Variants in LPIN1 observed in about 807,000 individuals in gnomAD.
The protein encoded by LPIN1 is lipin 1.
In LPIN1, 71 loss-of-function variants were observed where a neutral mutation model predicts 107.5. The observed-to-expected ratio is 0.66, with a 90% CI of 0.55 to 0.80. The LOEUF is 0.80. Among genes scored for constraint, LPIN1 ranks in the 30% least tolerant of loss-of-function variants. The pLI, the probability that LPIN1 is intolerant of heterozygous loss-of-function variation, is 0.00. For missense variants in LPIN1, 1,043 were observed against 1,160.6 expected (o/e 0.90, Z 1.47); for synonymous variants, 445 against 452.6 (o/e 0.98, Z 0.21).
In LPIN1 at chr2:11,802,958, A is replaced by G. The variant is rs762690391; in HGVS notation, c.1938A>G (p.Pro646=). 10 of 1,613,392 alleles carry G rather than the reference A, an allele frequency of 6.2e-6. No individual in the cohort carries two copies. The African/African-American group carries it at 6.7e-5, about 11-fold the overall frequency. The change falls in exon 15 of 21, where the codon CCA becomes CCG. Residue 646 remains proline (P), a synonymous_variant. Transcript: ENST00000674199. ...SSDEERAAAK[P]SNAGHLPLLP... The stretch of plus-strand genomic sequence containing the variant: ...ATGAGGAGCGCGCAGCTGCCAAGCC[A>G]TCAAACGCAGGCCACCTCCCTCTTC...
chr2:11,692,509 G>A (rs994207137), intron 1 of LPIN1, among the ~76,000 whole-genome samples: 3 of 152,206 alleles, frequency 2.0e-5, no homozygotes, highest in Non-Finnish European at 4.4e-5. Flanking sequence ...GTGGGGCCTG[G>A]GAATATGTAA....
intron 17 of LPIN1, among the ~76,000 whole-genome samples, chr2:11,810,129 G>A (rs1406173997): frequency 6.6e-6 from 1 of 152,200 alleles, no homozygotes. Flanking sequence ...GCCGTCGGGG[G>A]TGCTGAGCAG....
Position 11,803,099 on chromosome 2 carries a change from T to G in LPIN1, c.2013+66T>G. ...TGAGGTTTCTGCAGACTCCTAAGGC[T>G]GTGTGATGGTTGGGATGTGCCCGTT... On this transcript the variant is annotated intron_variant, in intron 15 of 20. Transcript: ENST00000674199. This position sits in a 1 kb window ranked among gnomAD's most constrained non-coding sequence, Gnocchi z 4.2. 1 of 1,603,864 alleles carries G rather than the reference T, an allele frequency of 6.2e-7. No homozygotes were observed.
In LPIN1 at chr2:11,763,963, T is replaced by TTG. The variant is rs1309608635; in HGVS notation, c.-9-1570_-9-1569insTG. 5.8e-3 allele frequency among the ~76,000 whole-genome samples: 512 copies of TTG among 87,678 alleles called. 3 individuals are homozygous for TTG. Among genetic ancestry groups the TTG allele is most frequent in the Non-Finnish European group, 5.5e-3 (230 of 41,808 alleles). 57.5% of individuals were successfully genotyped at this position (87,678 alleles called of 152,430 possible). A position where few individuals can be genotyped will look rare whatever the true frequency, so the allele number is the denominator to read the frequency against. ...AATTCGGTGACACTGACATATATTT[T>TTG]AGTGTGTGTGTGTGTGTGTGTGTGT... On this transcript the variant is annotated intron_variant, in intron 1 of 20. Transcript: ENST00000674199.
chr2:11,720,908 A>G (rs1224888812), upstream of LPIN1, among the ~76,000 whole-genome samples: 1 of 151,934 alleles, frequency 6.6e-6, no homozygotes, highest in Non-Finnish European at 1.5e-5. Flanking sequence ...GCGAGAGAAG[A>G]GAATTCAGAC....
Position 11,779,527 on chromosome 2 carries a change from G to A in LPIN1, c.839G>A (p.Gly280Asp), listed in dbSNP as rs1368101828. ...SLFHPSESPSGSRPSTPKSDS... is the reference protein window; with the variant it reads ...SLFHPSESPSDSRPSTPKSDS... ...TTTGTGTTTTCCTTAAGTCCTTCCG[G>A]TTCCCGACCTTCAACACCTAAAAGT... The change falls in exon 7 of 21, where the codon GGT becomes GAT. Residue 280 changes from glycine (G) to aspartate (D), a missense_variant. Physicochemically the swap from Gly to Asp is moderately conservative, Grantham distance 94. Transcript: ENST00000674199. 6.2e-7 allele frequency: 1 copy of A among 1,613,458 alleles called. No homozygotes were observed. Among genetic ancestry groups the A allele is most frequent in the African/African-American group, 1.3e-5 (1 of 74,892 alleles).
chr2:11,806,501 C>T (rs898315945), intron 17 of LPIN1, among the ~76,000 whole-genome samples: 6 of 151,956 alleles, frequency 3.9e-5, no homozygotes, highest in African/African-American at 1.5e-4. Flanking sequence ...GAGGCTGAGG[C>T]GGGAGGATTG....
rs1673693017 is a variant in LPIN1 at position 11,782,254 on chromosome 2, T to A, written c.1011T>A (p.Ile337=). ...KESSPLSSRK[I]CDKSHFQAIH... ...CCAGCCCATTGAGCAGTAGAAAAATTTGTGATAAAAGTCACTTTCAGGCCA... is the reference window on the plus strand; with the variant it reads ...CCAGCCCATTGAGCAGTAGAAAAATATGTGATAAAAGTCACTTTCAGGCCA... Residue 337 remains isoleucine, a synonymous_variant, in exon 8 of 21, where the codon ATT becomes ATA. Coordinates refer to ENST00000674199, the MANE Select transcript of LPIN1 (RefSeq NM_001349206.2). 1 of 1,614,074 alleles carries A rather than the reference T, an allele frequency of 6.2e-7. No individual in the cohort carries two copies. Among genetic ancestry groups the A allele is most frequent in the Admixed American group, 1.7e-5 (1 of 60,010 alleles).
chr2:11,759,929 GGCT>G (rs1669448091), intron 1 of LPIN1, among the ~76,000 whole-genome samples: 1 of 147,188 alleles, frequency 6.8e-6, no homozygotes, highest in Non-Finnish European at 1.5e-5. Context: ...CAGACGGGGC[GGCT>G]GCCGGGCGGA....
At chr2:11,763,905 T>G (rs1670266798) in intron 1 of LPIN1, among the ~76,000 whole-genome samples, 1 of 151,446 alleles carries the variant, frequency 6.6e-6, no homozygotes, top group Admixed American at 6.6e-5. Context: ...CTTCTTTCCT[T>G]GATCATAACT....
chr2:11,784,035 T>C, intron 9 of LPIN1, 113 bp downstream of exon 9: 2 of 1,568,562 alleles, frequency 1.3e-6, no homozygotes, highest in South Asian at 1.1e-5. Context: ...CTGGGCGCGG[T>C]GGCTCACGCC....
intron 20 of LPIN1, among the ~76,000 whole-genome samples, chr2:11,822,508 G>A (rs1032214828): frequency 1.3e-5 from 2 of 151,878 alleles, no homozygotes; most frequent in Non-Finnish European, 2.9e-5. Context: ...AAGGAGGCAA[G>A]GAGGATCAAG....
At chr2:11,679,018 C>T (rs904026978) in intron 1 of LPIN1, among the ~76,000 whole-genome samples, 2 of 152,202 alleles carry the variant, frequency 1.3e-5, no homozygotes, top group African/African-American at 4.8e-5. Flanking sequence ...TAAGTTTGCC[C>T]GGTGCTGACT....
At chr2:11,760,429 C>G (rs1041794029) in intron 1 of LPIN1, among the ~76,000 whole-genome samples, 1 of 152,256 alleles carries the variant, frequency 6.6e-6, no homozygotes, top group South Asian at 2.1e-4. Context: ...TCTGCAATCC[C>G]GGCACCTCAG....
At chr2:11,802,558 CAGAT>C (rs1677941557) in intron 14 of LPIN1, among the ~76,000 whole-genome samples, 1 of 152,118 alleles carries the variant, frequency 6.6e-6, no homozygotes, top group African/African-American at 2.4e-5. Context: ...CATGCAGTCT[CAGAT>C]AGGAAGAGAA....
rs1370510877 is a variant in LPIN1, at chr2:11,803,725, T to A, written c.2013+692T>A. The stretch of plus-strand genomic sequence containing the variant: ...ACCCTGCAGCCTGGGGGTCTCTGTG[T>A]GACTCACTGCTCCCACTGGCGACAC... On this transcript the variant is annotated intron_variant, in intron 15 of 20. Coordinates refer to ENST00000674199, the MANE Select transcript of LPIN1 (RefSeq NM_001349206.2). This position sits in a 1 kb window ranked among gnomAD's most constrained non-coding sequence, Gnocchi z 4.2. Among the ~76,000 whole-genome samples the A allele has an allele frequency of 6.6e-6, 1 of 151,990 alleles. No homozygotes were observed. The highest frequency in any genetic ancestry group is 2.4e-5 in the African/African-American group (1 of 41,368).
At chr2:11,780,127 T>C (rs1572774048) in intron 7 of LPIN1, among the ~76,000 whole-genome samples, 1 of 152,224 alleles carries the variant, frequency 6.6e-6, no homozygotes, top group East Asian at 1.9e-4. Flanking sequence ...GTGACCCGCC[T>C]GCCTCTGCCT....
At position 11,782,397 on chromosome 2, in the gene LPIN1, A is replaced by T. The variant is rs897025261; in HGVS notation, c.1154A>T (p.Glu385Val). 14 of 1,614,106 alleles carry T rather than the reference A, an allele frequency of 8.7e-6. No homozygotes were observed. The highest frequency in any genetic ancestry group is 1.1e-5 in the South Asian group (1 of 91,084). Residue 385 changes from glutamate (E) to valine (V), a missense_variant, in exon 8 of 21, where the codon GAG becomes GTG. By Grantham distance (121) the Glu-to-Val change is moderately radical (BLOSUM62 -2). Coordinates refer to ENST00000674199, the MANE Select transcript of LPIN1 (RefSeq NM_001349206.2). ...EMQFVNEEDL[E>V]TLGAAAPLLP... ...CAGTTTGTGAATGAAGAAGACCTGGAGACCTTAGGAGCAGCAGCGCCACTC... is the reference window on the plus strand; with the variant it reads ...CAGTTTGTGAATGAAGAAGACCTGGTGACCTTAGGAGCAGCAGCGCCACTC...
intron 14 of LPIN1, among the ~76,000 whole-genome samples, chr2:11,800,342 AG>A (rs1195621243): frequency 1.3e-5 from 2 of 152,142 alleles, no homozygotes; most frequent in African/African-American, 4.8e-5. Context: ...ACAGAAGTGG[AG>A]GTGCTGTGGG....
Sources: gnomAD v4.1 joint callset for allele counts (sites outside exome capture counted in the v4.1 genomes callset) on GRCh38, gnomAD v4.1.1 for gene constraint, Gnocchi (gnomAD v3.1) non-coding constraint, MANE v1.5 for transcripts, NCBI Gene and HGNC (gene_info 2026-07-23, HGNC 2026-07-21) for gene names.